VGLL4: variants seen among roughly 807,000 people sequenced by gnomAD.
VGLL4 encodes vestigial like family member 4.
Under a neutral mutation model 21.0 loss-of-function variants are expected in VGLL4, and 7 were observed. The observed-to-expected ratio is 0.33, with a 90% CI of 0.19 to 0.63. The LOEUF is 0.63. Ranked by LOEUF, VGLL4 falls within the 20% of genes least tolerant of loss-of-function variation. The pLI is 0.78. For synonymous variants in VGLL4, 222 were observed against 173.2 expected (o/e 1.28, Z -2.21); for missense variants, 394 against 425.7 (o/e 0.93, Z 0.66).
At chr3:11,573,335 GAAAGAAAGAAAGAAAGAAAGAAAGA>G (rs2073919608) in intron 2 of VGLL4, among the ~76,000 whole-genome samples, 1 of 64,078 alleles carries the variant, frequency 1.6e-5, no homozygotes, top group Non-Finnish European at 3.4e-5. Flanking sequence ...AAGAAAGAAA[GAAAGAAAGAAAGAAAGAAAGAAAGA>G]AAGAAAGAAA....
At chr3:11,598,436 A>G (rs1468074139) in intron 2 of VGLL4, among the ~76,000 whole-genome samples, 1 of 152,038 alleles carries the variant, frequency 6.6e-6, no homozygotes, top group African/African-American at 2.4e-5. Flanking sequence ...TGCACCTTTC[A>G]GGCCTTGTTA....
intron 2 of VGLL4, among the ~76,000 whole-genome samples, chr3:11,592,576 G>C (rs767537676): frequency 1.2e-4 from 18 of 152,330 alleles, no homozygotes; most frequent in South Asian, 2.1e-4. Context: ...TGTGTGGTTT[G>C]AGAGTGCTTA....
At chr3:11,566,246 T>G (rs561822014) in intron 2 of VGLL4, among the ~76,000 whole-genome samples, 1 of 152,152 alleles carries the variant, frequency 6.6e-6, no homozygotes, top group South Asian at 2.1e-4. Flanking sequence ...CACACACGCA[T>G]GTGATAGGCG....
chr3:11,612,212 A>C (rs1309976544), intron 1 of VGLL4: 1 of 152,190 alleles, frequency 6.6e-6, no homozygotes, highest in Non-Finnish European at 1.5e-5. Context: ...TATTCATTTA[A>C]TTAGGAAGTT....
At chr3:11,572,451 C>T (rs554799077) in intron 2 of VGLL4, among the ~76,000 whole-genome samples, 7 of 152,312 alleles carry the variant, frequency 4.6e-5, no homozygotes, top group South Asian at 2.1e-4. Context: ...ATATTTGCTT[C>T]GGGCCTTTTC....
At chr3:11,586,011 A>C (rs919077174) in intron 2 of VGLL4, among the ~76,000 whole-genome samples, 2 of 152,168 alleles carry the variant, frequency 1.3e-5, no homozygotes, top group Non-Finnish European at 2.9e-5. Flanking sequence ...GAAAGCCCCC[A>C]ACCCTTCCCC....
intron 2 of VGLL4, among the ~76,000 whole-genome samples, chr3:11,697,261 C>T (rs980939063): frequency 6.6e-6 from 1 of 151,274 alleles, no homozygotes; most frequent in African/African-American, 2.4e-5. Context: ...CCACCACACC[C>T]AGCTAATTGT....
chr3:11,597,037 A>G (rs537821251), intron 2 of VGLL4, among the ~76,000 whole-genome samples: 1 of 152,152 alleles, frequency 6.6e-6, no homozygotes, highest in East Asian at 1.9e-4. Context: ...AGTGCTCAAC[A>G]ACCACAAGGA....
chr3:11,601,695 A>G, intron 2 of VGLL4, 138 bp downstream of exon 2: 2 of 1,090,294 alleles, frequency 1.8e-6, no homozygotes, highest in Non-Finnish European at 2.6e-6. Context: ...GCAGATGAAT[A>G]CTATTTTTCT....
chr3:11,601,721 C>T, intron 2 of VGLL4, 112 bp downstream of exon 2: 1 of 1,271,272 alleles, frequency 7.9e-7, no homozygotes, highest in East Asian at 2.5e-5. Context: ...AAATAATATC[C>T]TTTTCAAATA....
intron 2 of VGLL4, among the ~76,000 whole-genome samples, chr3:11,649,326 A>G (rs2075835932): frequency 6.9e-6 from 1 of 145,028 alleles, no homozygotes; most frequent in Non-Finnish European, 1.5e-5. Flanking sequence ...TTATGAAAAC[A>G]TACATATATA....
intron 2 of VGLL4, among the ~76,000 whole-genome samples, chr3:11,589,049 G>A (rs555511072): frequency 1.5e-4 from 23 of 152,308 alleles, no homozygotes; most frequent in African/African-American, 5.1e-4. Context: ...ACAGAGGTGG[G>A]AGGGGACCAC....
In VGLL4 at chr3:11,601,868, G is replaced by T. The variant is rs934878024; in HGVS notation, c.237C>A (p.His79Gln). 2 of 1,613,800 alleles carry T rather than the reference G, an allele frequency of 1.2e-6. No homozygotes were observed. The highest frequency in any genetic ancestry group is 1.7e-6 in the Non-Finnish European group (2 of 1,179,876). The stretch of plus-strand genomic sequence containing the variant: ...TGAAGATGCGACTCATTTTGGAGAC[G>T]TGGTCGTTGTCACAGTCTAGGTCCT... ...GDEDLDCDND[H>Q]VSKMSRIFNP... is the part of the protein sequence containing the mutation. The change falls in exon 2 of 5, where the codon CAC becomes CAA. Residue 79 changes from histidine to glutamine, a missense_variant. By Grantham distance (24) the His-to-Gln change is conservative. Transcript: ENST00000430365.
At chr3:11,695,297 C>T (rs1018351032) in intron 2 of VGLL4, among the ~76,000 whole-genome samples, 1 of 152,102 alleles carries the variant, frequency 6.6e-6, no homozygotes, top group Non-Finnish European at 1.5e-5. Flanking sequence ...ATCCACCTGC[C>T]TCAGCCTCCC....
chr3:11,682,412 A>T (rs2076388629), intron 2 of VGLL4, among the ~76,000 whole-genome samples: 1 of 149,382 alleles, frequency 6.7e-6, no homozygotes, highest in African/African-American at 2.5e-5. Context: ...CTCAAAAAAA[A>T]AAAAAAAAAA....
chr3:11,682,404 CAAAA>C (rs34428676), intron 2 of VGLL4, among the ~76,000 whole-genome samples: 12 of 62,208 alleles, frequency 1.9e-4, no homozygotes, highest in African/African-American at 4.1e-4. Context: ...GACCCTGTCT[CAAAA>C]AAAAAAAAAA....
intron 2 of VGLL4, among the ~76,000 whole-genome samples, chr3:11,580,058 T>G (rs2074182836): frequency 6.6e-6 from 1 of 152,208 alleles, no homozygotes; most frequent in South Asian, 2.1e-4. Context: ...TACATAAAAT[T>G]CACCACTTTT....
At chr3:11,667,235 G>T (rs1272418103) in intron 2 of VGLL4, among the ~76,000 whole-genome samples, 1 of 152,240 alleles carries the variant, frequency 6.6e-6, no homozygotes, top group East Asian at 1.9e-4. Context: ...TTTGGCTAAA[G>T]CCAGGGGCTT....
chr3:11,673,948 G>T (rs974073016), intron 2 of VGLL4, among the ~76,000 whole-genome samples: 25 of 149,844 alleles, frequency 1.7e-4, no homozygotes, highest in Non-Finnish European at 2.8e-4. Context: ...GGAGGTGGAG[G>T]TTGCAGTGAG....
Sources: gnomAD v4.1 joint callset for allele counts (sites outside exome capture counted in the v4.1 genomes callset) on GRCh38, gnomAD v4.1.1 for gene constraint, MANE v1.5 for transcripts, NCBI Gene and HGNC (gene_info 2026-07-23, HGNC 2026-07-21) for gene names.